Variants in PLCB1 observed in about 807,000 individuals in gnomAD.
The protein encoded by PLCB1 is phospholipase C beta 1, also known as 1-phosphatidylinositol 4,5-bisphosphate phosphodiesterase beta-1.
A neutral mutation model predicts 161.8 loss-of-function variants in PLCB1; 46 were observed. The ratio of observed to expected loss-of-function variants is 0.28; its 90% CI spans 0.22 to 0.36. The LOEUF (loss-of-function observed/expected upper bound fraction) is 0.36, where lower values mean the gene tolerates loss of function less well. PLCB1 is among the 10% of genes least tolerant of loss of function. The pLI, the probability that PLCB1 is intolerant of heterozygous loss-of-function variation, is 1.00. For missense variants in PLCB1, 1,016 were observed against 1,472.5 expected (o/e 0.69, Z 5.07); for synonymous variants, 517 against 503.7 (o/e 1.03, Z -0.35).
intron 3 of PLCB1, among the ~76,000 whole-genome samples, chr20:8,602,765 G>T (rs976442659): frequency 2.6e-5 from 4 of 152,152 alleles, no homozygotes; most frequent in Non-Finnish European, 5.9e-5. Flanking sequence ...TATTTAAAGG[G>T]ATTTTAATTT....
At chr20:8,477,945 C>A (rs1175544367) in intron 3 of PLCB1, among the ~76,000 whole-genome samples, 1 of 152,170 alleles carries the variant, frequency 6.6e-6, no homozygotes, top group African/African-American at 2.4e-5. Context: ...CCATCTATCT[C>A]TCCTCTTTGT....
At chr20:8,644,885 A>G (rs951294035) in intron 4 of PLCB1, among the ~76,000 whole-genome samples, 19 of 152,322 alleles carry the variant, frequency 1.2e-4, no homozygotes, top group African/African-American at 4.3e-4. Context: ...TGGAATAGAA[A>G]GGGGGGAAAG....
chr20:8,644,726 G>A (rs1333062981), intron 4 of PLCB1, among the ~76,000 whole-genome samples: 1 of 149,028 alleles, frequency 6.7e-6, no homozygotes, highest in Non-Finnish European at 1.5e-5. Context: ...CCCCCGCCCT[G>A]CCAGCCGCCC....
chr20:8,848,332 T>C (rs1274372876), intron 31 of PLCB1, among the ~76,000 whole-genome samples: 1 of 152,178 alleles, frequency 6.6e-6, no homozygotes, highest in African/African-American at 2.4e-5. Flanking sequence ...TAAGAGTTTT[T>C]ATAACTCAAT....
chr20:8,742,831 C>T (rs1318587276), intron 23 of PLCB1, among the ~76,000 whole-genome samples: 1 of 152,090 alleles, frequency 6.6e-6, no homozygotes. Context: ...TTTGTGGGTA[C>T]ATAGTAGGTA....
In PLCB1 at chr20:8,883,621, G is replaced by A. The variant is rs1335464792; in HGVS notation, c.*1772G>A. On this transcript the variant is annotated 3_prime_UTR_variant, in exon 32 of 32. Coordinates refer to ENST00000338037, the MANE Select transcript of PLCB1 (RefSeq NM_015192.4). ...TGAAAATTATTTTATTTAACTTTAA[G>A]CAATAACTAGAGATTACAATTAAAT... The A allele has an allele frequency of 6.6e-6, 1 of 152,004 alleles. No individual in the cohort carries two copies. Among genetic ancestry groups the A allele is most frequent in the East Asian group, 1.9e-4 (1 of 5,190 alleles). The allele number at this position is 152,004 out of a possible 1,614,324, so 9.4% of individuals were successfully genotyped here.
rs1274739944 is a variant in PLCB1 at position 8,308,561 on chromosome 20, G to A, written c.178-62821G>A. On this transcript the variant is annotated intron_variant, in intron 2 of 31. Transcript: ENST00000338037. ...GAGCCTGGGAGGCAAAGGTTGCAGT[G>A]AGCCGAGACCGTGCCACTGCGCTGC... is the stretch of plus-strand genomic sequence containing the variant. Among the ~76,000 whole-genome samples the A allele has an allele frequency of 1.1e-4, 17 of 148,732 alleles. No homozygotes were observed. The Admixed American group carries it at 1.2e-3, about 10-fold the overall frequency.
At chr20:8,318,454 C>T (rs527476928) in intron 2 of PLCB1, among the ~76,000 whole-genome samples, 2 of 151,292 alleles carry the variant, frequency 1.3e-5, no homozygotes, top group Non-Finnish European at 2.9e-5. Context: ...ATTGCCCCCC[C>T]CCTTTTTCTT....
intron 23 of PLCB1, among the ~76,000 whole-genome samples, chr20:8,742,149 A>T (rs193255887): frequency 6.6e-6 from 1 of 152,306 alleles, no homozygotes; most frequent in East Asian, 1.9e-4. Context: ...GTCTAAAAAT[A>T]GTAGAAATGA....
At chr20:8,707,506 A>G (rs1978752992) in intron 11 of PLCB1, among the ~76,000 whole-genome samples, 3 of 152,234 alleles carry the variant, frequency 2.0e-5, no homozygotes, top group Admixed American at 2.0e-4. Context: ...ATTTTTAAGA[A>G]TAATGCCCAA....
chr20:8,261,824 A>G (rs1282637742), intron 2 of PLCB1, among the ~76,000 whole-genome samples: 2 of 152,206 alleles, frequency 1.3e-5, no homozygotes, highest in Non-Finnish European at 2.9e-5. Context: ...GAGGATAAGC[A>G]TTGTATTTAG....
At chr20:8,259,929 A>T (rs1172800990) in intron 2 of PLCB1, among the ~76,000 whole-genome samples, 2 of 152,242 alleles carry the variant, frequency 1.3e-5, no homozygotes, top group African/African-American at 2.4e-5. Flanking sequence ...GGTGTCTCAC[A>T]TAAGCATGTA....
At chr20:8,874,177 AATAC>A (rs1225624031) in intron 31 of PLCB1, among the ~76,000 whole-genome samples, 1 of 151,492 alleles carries the variant, frequency 6.6e-6, no homozygotes, top group Admixed American at 6.6e-5. Context: ...GTACTACATA[AATAC>A]ATACAATTTT....
chr20:8,693,327 G>A (rs1042200726), intron 10 of PLCB1, among the ~76,000 whole-genome samples: 2 of 152,286 alleles, frequency 1.3e-5, no homozygotes, highest in African/African-American at 2.4e-5. Context: ...TGTCTCCTAA[G>A]CCATCTCATG....
intron 1 of PLCB1, among the ~76,000 whole-genome samples, chr20:8,134,450 T>C (rs2122996361): frequency 6.6e-6 from 1 of 152,346 alleles, no homozygotes; most frequent in South Asian, 2.1e-4. Context: ...TATAATTTCT[T>C]GTTTGGGAGA....
chr20:8,288,223 G>T (rs1313214394), intron 2 of PLCB1, among the ~76,000 whole-genome samples: 1 of 149,992 alleles, frequency 6.7e-6, no homozygotes, highest in Non-Finnish European at 1.5e-5. Flanking sequence ...TTGTTAGTCA[G>T]CTTCTTGTCC....
At chr20:8,672,395 T>C (rs1403186138) in intron 9 of PLCB1, among the ~76,000 whole-genome samples, 2 of 129,764 alleles carry the variant, frequency 1.5e-5, no homozygotes, top group African/African-American at 3.4e-5. Context: ...TTTCCTGTTA[T>C]ACTCTTTTTT....
intron 2 of PLCB1, among the ~76,000 whole-genome samples, chr20:8,184,767 C>T (rs1256981271): frequency 1.2e-5 from 1 of 86,028 alleles, no homozygotes; most frequent in Admixed American, 1.2e-4. Context: ...TTTGGCAATA[C>T]CTTTATTATT....
chr20:8,244,434 T>C (rs2123210317), intron 2 of PLCB1, among the ~76,000 whole-genome samples: 1 of 152,050 alleles, frequency 6.6e-6, no homozygotes, highest in East Asian at 1.9e-4. Context: ...CATGCTACAA[T>C]ATGGATAAAA....
Sources: allele counts gnomAD v4.1 joint callset (sites outside exome capture counted in the v4.1 genomes callset), GRCh38; gene constraint gnomAD v4.1.1; transcripts MANE v1.5; gene names NCBI Gene and HGNC (gene_info 2026-07-23, HGNC 2026-07-21).